DCAF6: variants seen among roughly 807,000 people sequenced by gnomAD.
DCAF6 encodes DDB1- and CUL4-associated factor 6.
A neutral mutation model predicts 125.1 loss-of-function variants in DCAF6; 54 were observed. The observed-to-expected ratio is 0.43, with a 90% CI of 0.35 to 0.54. The LOEUF (loss-of-function observed/expected upper bound fraction) is 0.54. Among genes scored for constraint, DCAF6 ranks in the 20% least tolerant of loss-of-function variants. The pLI, the probability that DCAF6 is intolerant of heterozygous loss-of-function variation, is 0.01. For missense variants in DCAF6, 934 were observed against 1,161.7 expected (o/e 0.80, Z 2.85); for synonymous variants, 371 against 390.4 (o/e 0.95, Z 0.58).
intron 10 of DCAF6, among the ~76,000 whole-genome samples, chr1:168,009,374 CCTTCCTTCCTTCCTTTCTTT>C (rs1458282919): frequency 2.4e-5 from 3 of 122,544 alleles, no homozygotes; most frequent in East Asian, 2.0e-4. Flanking sequence ...TTCCTTCCTT[CCTTCCTTCCTTCCTTTCTTT>C]CTTTCTTTCT....
the DCAF6 span, among the ~76,000 whole-genome samples, chr1:167,874,601 C>T: frequency 1.3e-4 from 20 of 152,270 alleles, no homozygotes; most frequent in East Asian, 1.9e-4. Flanking sequence ...TTCAGTCCTA[C>T]GTTTTACTCC....
At chr1:167,872,335 T>C in the DCAF6 span, among the ~76,000 whole-genome samples, 3 of 146,692 alleles carry the variant, frequency 2.0e-5, no homozygotes, top group Admixed American at 6.9e-5. Context: ...CAAAACTCCA[T>C]CTCAAAAAAA....
At chr1:167,866,226 A>G in the DCAF6 span, among the ~76,000 whole-genome samples, 1 of 152,162 alleles carries the variant, frequency 6.6e-6, no homozygotes, top group Non-Finnish European at 1.5e-5. Context: ...TTTCATCAAC[A>G]AGAGGGAGGA....
At chr1:167,925,938 T>C in the DCAF6 span, among the ~76,000 whole-genome samples, 1 of 152,208 alleles carries the variant, frequency 6.6e-6, no homozygotes, top group African/African-American at 2.4e-5. Context: ...CTTTTAATAG[T>C]TTTAAAATAT....
intron 11 of DCAF6, among the ~76,000 whole-genome samples, chr1:168,022,126 C>T (rs1434992627): frequency 1.3e-5 from 2 of 151,922 alleles, no homozygotes; most frequent in East Asian, 1.9e-4. Flanking sequence ...TTGCTAATTA[C>T]TGTCAGAATC....
chr1:167,867,764 C>A, the DCAF6 span, among the ~76,000 whole-genome samples: 43 of 151,230 alleles, frequency 2.8e-4, no homozygotes, highest in Middle Eastern at 6.8e-3. Flanking sequence ...GAATAAGATG[C>A]GGTTCTTTAA....
At chr1:167,871,970 T>C in the DCAF6 span, among the ~76,000 whole-genome samples, 2 of 152,314 alleles carry the variant, frequency 1.3e-5, no homozygotes, top group South Asian at 2.1e-4. Context: ...TGTATACATA[T>C]GTAACAAACC....
chr1:168,017,095 A>C (rs1044278722), intron 11 of DCAF6, among the ~76,000 whole-genome samples: 1 of 151,846 alleles, frequency 6.6e-6, no homozygotes, highest in Non-Finnish European at 1.5e-5. Context: ...ATGTTATATT[A>C]ATAGAGGGAG....
chr1:167,944,006 CT>C (rs60872248), intron 1 of DCAF6, among the ~76,000 whole-genome samples: 151,868 of 151,972 alleles, frequency 1, 75,883 homozygotes, highest in East Asian at 1. Flanking sequence ...ACCTGACTAA[CT>C]TTTTTTTTGT....
In DCAF6 at chr1:167,957,128, C is replaced by A. The variant is rs151057930; in HGVS notation, c.159+5267C>A. ...TTTTTTTTTAATTTAGATGTGCTCA[C>A]ATACTATAAAACTGACGCATCTTAA... is the stretch of plus-strand genomic sequence containing the variant. On this transcript the variant is annotated intron_variant, in intron 2 of 21. Coordinates refer to ENST00000367840, the MANE Select transcript of DCAF6 (RefSeq NM_001198956.2). 4.5e-3 allele frequency among the ~76,000 whole-genome samples: 692 copies of A among 152,140 alleles called. 8 individuals carry two copies. In the East Asian group the frequency reaches 0.057, roughly 13 times the overall value.
chr1:167,977,473 T>G (rs1009463115), intron 4 of DCAF6, among the ~76,000 whole-genome samples: 8 of 152,166 alleles, frequency 5.3e-5, no homozygotes. Flanking sequence ...GTGGTTCCTG[T>G]ATAGGTAACC....
At chr1:167,909,031 C>T in the DCAF6 span, among the ~76,000 whole-genome samples, 9 of 152,230 alleles carry the variant, frequency 5.9e-5, no homozygotes, top group African/African-American at 2.2e-4. Flanking sequence ...ACATTACCAG[C>T]TTTCCAGAAG....
At chr1:168,060,557 A>G (rs1279360685) in intron 17 of DCAF6, among the ~76,000 whole-genome samples, 1 of 152,122 alleles carries the variant, frequency 6.6e-6, no homozygotes, top group Non-Finnish European at 1.5e-5. Flanking sequence ...TTACCACCTC[A>G]TTTACTAATG....
chr1:167,960,360 G>A (rs1165831677), intron 2 of DCAF6, among the ~76,000 whole-genome samples: 4 of 151,908 alleles, frequency 2.6e-5, no homozygotes, highest in Non-Finnish European at 5.9e-5. Context: ...GTGCAATGGC[G>A]CGATCTCAGC....
intron 1 of DCAF6, among the ~76,000 whole-genome samples, chr1:167,945,336 C>T (rs200513174): frequency 2.6e-5 from 4 of 152,006 alleles, no homozygotes; most frequent in African/African-American, 4.8e-5. Context: ...TAATGATATT[C>T]TTCTGAATAT....
At chr1:167,919,643 G>A in the DCAF6 span, among the ~76,000 whole-genome samples, 4 of 152,094 alleles carry the variant, frequency 2.6e-5, no homozygotes, top group African/African-American at 4.8e-5. Context: ...ATCATAAACT[G>A]TATATGTTGT....
At chr1:167,932,125 G>T (rs1276874039), upstream of DCAF6, among the ~76,000 whole-genome samples, 1 of 152,116 alleles carries the variant, frequency 6.6e-6, no homozygotes, top group Non-Finnish European at 1.5e-5. Flanking sequence ...AAATGATATG[G>T]TTCAGATAGC....
chr1:167,958,711 G>A (rs1043175711), intron 2 of DCAF6, among the ~76,000 whole-genome samples: 1 of 152,032 alleles, frequency 6.6e-6, no homozygotes, highest in Non-Finnish European at 1.5e-5. Flanking sequence ...AATATTTAAC[G>A]CTTTATTTTG....
chr1:167,905,955 C>T, the DCAF6 span, among the ~76,000 whole-genome samples: 1 of 152,208 alleles, frequency 6.6e-6, no homozygotes, highest in African/African-American at 2.4e-5. Context: ...AGCAAACACC[C>T]TTTACTTTTT....
Sources: gnomAD v4.1 joint callset for allele counts (sites outside exome capture counted in the v4.1 genomes callset) on GRCh38, gnomAD v4.1.1 for gene constraint, MANE v1.5 for transcripts, NCBI Gene and HGNC (gene_info 2026-07-23, HGNC 2026-07-21) for gene names.